ZFYVE26: variants seen among roughly 807,000 people sequenced by gnomAD.
ZFYVE26 encodes the protein zinc finger FYVE-type containing 26, also known as zinc finger FYVE domain-containing protein 26.
In ZFYVE26, 181 loss-of-function variants were observed where a neutral mutation model predicts 276.5. The ratio of observed to expected loss-of-function variants is 0.65; its 90% CI spans 0.58 to 0.74. The LOEUF is 0.74. Among genes scored for constraint, ZFYVE26 ranks in the 30% least tolerant of loss-of-function variants. ZFYVE26 has a pLI of 0.00. For missense variants in ZFYVE26, 2,821 were observed against 3,097.9 expected (o/e 0.91, Z 2.12); for synonymous variants, 1,129 against 1,203.1 (o/e 0.94, Z 1.27).
At chr14:67,742,602 C>G (rs1220324886), downstream of ZFYVE26, among the ~76,000 whole-genome samples, 1 of 152,050 alleles carries the variant, frequency 6.6e-6, no homozygotes, top group African/African-American at 2.4e-5. Context: ...CTGCAACAGT[C>G]AGGGGAGGAG....
chr14:67,732,961 TA>T (rs1014701106), intron 13 of ZFYVE26, among the ~76,000 whole-genome samples: 2 of 151,856 alleles, frequency 1.3e-5, no homozygotes, highest in South Asian at 2.1e-4. Context: ...AAAGGAACAT[TA>T]AAAACAAAAA....
chr14:67,797,304 T>C (rs1374329958), intron 12 of ZFYVE26: 1 of 319,788 alleles, frequency 3.1e-6, no homozygotes, highest in East Asian at 8.0e-5. Flanking sequence ...TAAATGTCCA[T>C]GAACAGGGTG....
At chr14:67,781,725 C>T (rs930174213) in intron 21 of ZFYVE26, among the ~76,000 whole-genome samples, 196 bp from the exon 22 acceptor site, 2 of 152,144 alleles carry the variant, frequency 1.3e-5, no homozygotes, top group African/African-American at 4.8e-5. Flanking sequence ...TATCTCTACC[C>T]TATGTGTATC....
At chr14:67,769,822 C>G (rs2039159681) in intron 28 of ZFYVE26, 92 bp from the exon 29 acceptor site, 4 of 1,555,060 alleles carry the variant, frequency 2.6e-6, no homozygotes, top group African/African-American at 1.4e-5. Context: ...CTACCAGTGG[C>G]TTATACTTTC....
rs76042969 is a variant in ZFYVE26 at position 67,771,496 on chromosome 14, C to T, written c.5484+551G>A. The stretch of plus-strand genomic sequence containing the variant: ...GCAATTACATCACCATCGTTTTCAT[C>T]AGCGTTGAGCTGATGTGGCATACTG... On this transcript the variant is annotated intron_variant, in intron 28 of 41. Coordinates refer to ENST00000347230, the MANE Select transcript of ZFYVE26 (RefSeq NM_015346.4). Among the ~76,000 whole-genome samples, 27 of 152,352 alleles carry T rather than the reference C, an allele frequency of 1.8e-4. No homozygotes were observed. The East Asian group carries it at 5.2e-3, about 29-fold the overall frequency.
At chr14:67,814,700 TCAGA>T (rs775438194) in intron 2 of ZFYVE26, among the ~76,000 whole-genome samples, 20 of 152,188 alleles carry the variant, frequency 1.3e-4, no homozygotes, top group African/African-American at 1.9e-4. Flanking sequence ...AGAAAGTGAA[TCAGA>T]CAGTCTTAAA....
intron 13 of ZFYVE26, chr14:67,734,357 G>A (rs1386868493): frequency 2.5e-5 from 4 of 158,314 alleles, no homozygotes; most frequent in Admixed American, 2.4e-4. Flanking sequence ...CTCTCACCTG[G>A]ACCTTCCCAT....
chr14:67,786,713 G>T (rs1309066101), intron 16 of ZFYVE26, among the ~76,000 whole-genome samples: 2 of 152,196 alleles, frequency 1.3e-5, no homozygotes, highest in Non-Finnish European at 2.9e-5. Context: ...TCCTAAATCA[G>T]TATATTGAAG....
rs1212394481 is a variant in ZFYVE26, at chr14:67,766,390, A to G, written c.5848T>C (p.Cys1950Arg). 1 of 1,612,586 alleles carries G rather than the reference A, an allele frequency of 6.2e-7. No individual in the cohort carries two copies. Among genetic ancestry groups the G allele is most frequent in the Non-Finnish European group, 8.5e-7 (1 of 1,180,020 alleles). The change falls in exon 32 of 42, where the codon TGT becomes CGT. Residue 1950 changes from cysteine (C) to arginine (R), a missense_variant. Coordinates refer to ENST00000347230, the MANE Select transcript of ZFYVE26 (RefSeq NM_015346.4). Reference sequence around the variant, plus strand: ...CAGTGCTCAATCAGCTGGTGACCACAGGCAATGCTGTCCCGGTGCAGATTC... The same window carrying G: ...CAGTGCTCAATCAGCTGGTGACCACGGGCAATGCTGTCCCGGTGCAGATTC... ...ILNLHRDSIACGHQLIEHCCR... is the reference protein window; with the variant it reads ...ILNLHRDSIARGHQLIEHCCR...
intron 12 of ZFYVE26, chr14:67,797,418 A>T: frequency 1.9e-6 from 1 of 530,662 alleles, no homozygotes; most frequent in Non-Finnish European, 3.4e-6. Flanking sequence ...TAAATGAAAA[A>T]AGCAAGCTGC....
chr14:67,757,443 A>G (rs1239245791), intron 35 of ZFYVE26, among the ~76,000 whole-genome samples: 1 of 152,118 alleles, frequency 6.6e-6, no homozygotes, highest in Non-Finnish European at 1.5e-5. Flanking sequence ...CCTTCCCCAT[A>G]GATCTGCATG....
Position 67,762,396 on chromosome 14 carries a change from CCA to C in ZFYVE26, c.6174_6175del (p.Gly2059AlafsTer2), listed in dbSNP as rs1270936936. ...ATGCCACGCCCCGGTGGTATCAAGC[CCA>C]GTCTTTGTGGAGACCTGGGAGAAAA... On this transcript the variant is annotated frameshift_variant, in exon 34 of 42. Coordinates refer to ENST00000347230, the MANE Select transcript of ZFYVE26 (RefSeq NM_015346.4). LOFTEE classifies it high-confidence loss of function. 2 of 1,613,932 alleles carry C rather than the reference CCA, an allele frequency of 1.2e-6. No homozygotes were observed. Among genetic ancestry groups the C allele is most frequent in the Non-Finnish European group, 1.7e-6 (2 of 1,179,944 alleles).
chr14:67,797,895 T>C (rs1440139261), intron 11 of ZFYVE26, 119 bp downstream of exon 11: 13 of 1,589,112 alleles, frequency 8.2e-6, no homozygotes, highest in Non-Finnish European at 1.1e-5. Context: ...CTGGTTGCCA[T>C]GGTGACGATA....
intron 15 of ZFYVE26, 124 bp from the exon 16 acceptor site, chr14:67,789,722 T>C (rs2039761660): frequency 1.6e-6 from 2 of 1,240,732 alleles, no homozygotes; most frequent in African/African-American, 3.0e-5. Context: ...CTTTCATGTA[T>C]ATTAGCACTA....
In ZFYVE26 at chr14:67,761,500, C is replaced by T. The variant is rs756363552; in HGVS notation, c.6454G>A (p.Gly2152Arg). The change falls in exon 35 of 42, where the codon GGG becomes AGG. Residue 2152 changes from glycine (G) to arginine (R), a missense_variant. Physicochemically the swap from Gly to Arg is moderately radical, Grantham distance 125 (BLOSUM62 -2). Transcript: ENST00000347230. ...QSLSLAVIPE[G>R]KIMNNTYYQE... is the part of the protein sequence containing the mutation. ...TAGTAGGTGTTGTTCATGATTTTCC[C>T]TTCAGGAATCACTGCCAGAGAAAGG... is the stretch of plus-strand genomic sequence containing the variant. The T allele has an allele frequency of 3.1e-6, 5 of 1,614,046 alleles. No individual in the cohort carries two copies. Among genetic ancestry groups the T allele is most frequent in the Non-Finnish European group, 4.2e-6 (5 of 1,180,048 alleles).
At chr14:67,759,641 T>G (rs1394835460) in intron 35 of ZFYVE26, among the ~76,000 whole-genome samples, 35 of 58,310 alleles carry the variant, frequency 6.0e-4, no homozygotes, top group South Asian at 5.4e-4. Flanking sequence ...AAAAAAAAAG[T>G]GCATGGTATA....
intron 23 of ZFYVE26, among the ~76,000 whole-genome samples, chr14:67,779,077 C>T (rs1354862889): frequency 1.3e-5 from 2 of 152,176 alleles, no homozygotes; most frequent in Non-Finnish European, 2.9e-5. Flanking sequence ...GCAATAAGTA[C>T]TTCCTGAATG....
chr14:67,759,581 A>G (rs7158363), intron 35 of ZFYVE26, among the ~76,000 whole-genome samples: 136,098 of 147,316 alleles, frequency 0.92, 63,265 homozygotes, highest in Non-Finnish European at 0.98. Context: ...CTGAGATCTC[A>G]CCACCGCGCT....
intron 13 of ZFYVE26, among the ~76,000 whole-genome samples, chr14:67,732,951 A>G (rs1263597320): frequency 6.6e-6 from 1 of 152,100 alleles, no homozygotes; most frequent in African/African-American, 2.4e-5. Context: ...TAATTAGAAA[A>G]AAGGAACATT....
Sources: gnomAD v4.1 joint callset for allele counts (sites outside exome capture counted in the v4.1 genomes callset) on GRCh38, gnomAD v4.1.1 for gene constraint, MANE v1.5 for transcripts, NCBI Gene and HGNC (gene_info 2026-07-23, HGNC 2026-07-21) for gene names.